A2M: variants seen among roughly 807,000 people sequenced by gnomAD.
The protein encoded by A2M is alpha-2-macroglobulin, also known as C3 and PZP-like alpha-2-macroglobulin domain-containing protein 5.
Under a neutral mutation model 183.9 loss-of-function variants are expected in A2M, and 128 were observed. The observed-to-expected ratio is 0.70, with a 90% CI of 0.60 to 0.81. The LOEUF (loss-of-function observed/expected upper bound fraction) is 0.81. Among genes scored for constraint, A2M ranks in the 30% least tolerant of loss-of-function variants. The pLI, the probability that A2M is intolerant of heterozygous loss-of-function variation, is 0.00. For synonymous variants in A2M, 592 were observed against 670.8 expected, an observed-to-expected ratio of 0.88 and a Z score of 1.81; for missense variants, 1,495 against 1,787.6, an observed-to-expected ratio of 0.84 and a Z score of 2.95.
intron 27 of A2M, 122 bp downstream of exon 27, chr12:9,077,224 C>G: frequency 2.1e-6 from 2 of 975,200 alleles, no homozygotes; most frequent in South Asian, 1.7e-5. Flanking sequence ...CTGGGAAGCA[C>G]TGGCATTGCA....
chr12:9,095,231 C>A, intron 16 of A2M, 147 bp from the exon 17 acceptor site: 1 of 529,236 alleles, frequency 1.9e-6, no homozygotes, highest in East Asian at 3.2e-5. Context: ...TATTTATATA[C>A]TTAAGGATGT....
rs1403791309 is a variant in A2M at position 9,104,410 on chromosome 12, A to T, written c.1105-10T>A. On this transcript the variant is annotated splice_polypyrimidine_tract_variant and intron_variant, in intron 10 of 35. Coordinates refer to ENST00000318602, the MANE Select transcript of A2M (RefSeq NM_000014.6). ...CATCTACTAGGCGCACCTGAAGATTAAAAGCTGTGGATTAGTTATATTGGT... is the reference window on the plus strand; with the variant it reads ...CATCTACTAGGCGCACCTGAAGATTTAAAGCTGTGGATTAGTTATATTGGT... 3.2e-6 allele frequency: 5 copies of T among 1,573,458 alleles called. No homozygotes were observed. Among genetic ancestry groups the T allele is most frequent in the Non-Finnish European group, 4.3e-6 (5 of 1,158,084 alleles).
chr12:9,097,220 T>C (rs1949407912), intron 15 of A2M, among the ~76,000 whole-genome samples: 1 of 152,194 alleles, frequency 6.6e-6, no homozygotes, highest in South Asian at 2.1e-4. Context: ...GATGCTTCCT[T>C]TAGAAGTATT....
At chr12:9,106,729 A>G in intron 8 of A2M, 124 bp from the exon 9 acceptor site, 1 of 453,974 alleles carries the variant, frequency 2.2e-6, no homozygotes, top group South Asian at 4.2e-5. Context: ...TATGACGAGG[A>G]CACAATAAAT....
intron 22 of A2M, among the ~76,000 whole-genome samples, chr12:9,086,854 G>T (rs1192669796): frequency 6.6e-6 from 1 of 152,178 alleles, no homozygotes; most frequent in Admixed American, 6.5e-5. Flanking sequence ...AATTTTCACT[G>T]TTGGTGATGA....
At chr12:9,068,391 TCTC>T (rs1480851065) in intron 34 of A2M, among the ~76,000 whole-genome samples, 167 bp from the exon 35 acceptor site, 2 of 152,166 alleles carry the variant, frequency 1.3e-5, no homozygotes, top group Non-Finnish European at 1.5e-5. Flanking sequence ...TACCTTATAT[TCTC>T]CTTTCAAATA....
chr12:9,106,667 T>C, intron 8 of A2M, 62 bp from the exon 9 acceptor site: 4 of 830,472 alleles, frequency 4.8e-6, no homozygotes, highest in Non-Finnish European at 7.7e-6. Context: ...AGATCAGTGG[T>C]CAGATAACCG....
chr12:9,102,196 G>A (rs142566159), intron 11 of A2M, among the ~76,000 whole-genome samples: 1 of 152,174 alleles, frequency 6.6e-6, no homozygotes, highest in East Asian at 1.9e-4. Context: ...ACCTCTTCTG[G>A]GCTATCTTAG....
chr12:9,072,865 C>T lies in A2M; in HGVS notation c.3763G>A (p.Val1255Met). The T allele has an allele frequency of 6.2e-7, 1 of 1,613,636 alleles. No homozygotes were observed. The highest frequency in any genetic ancestry group is 8.5e-7 in the Non-Finnish European group (1 of 1,179,708). The change falls in exon 30 of 36, where the codon GTG becomes ATG. Residue 1255 changes from valine (V) to methionine (M), a missense_variant. Val to Met is a conservative substitution (Grantham distance 21, BLOSUM62 1). Coordinates refer to ENST00000318602, the MANE Select transcript of A2M (RefSeq NM_000014.6). ...QGGFSSTQDT[V>M]VALHALSKYG... ...TTGGACAGAGCATGGAGAGCCACCA[C>T]TGTGTCCTGTTAGAGACAGATGAGT...
At chr12:9,092,109 T>C (rs1294885012) in intron 18 of A2M, among the ~76,000 whole-genome samples, 2 of 152,134 alleles carry the variant, frequency 1.3e-5, no homozygotes, top group East Asian at 3.9e-4. Flanking sequence ...TAGCCTGCAC[T>C]GGGAAGCAGA....
In A2M at chr12:9,099,975, T is replaced by G. The variant is rs552503802; in HGVS notation, c.1559-452A>C. 4.7e-4 allele frequency among the ~76,000 whole-genome samples: 71 copies of G among 152,372 alleles called. No homozygotes were observed. In the South Asian group the frequency reaches 0.014, roughly 30 times the overall value. ...TATTTTTTGATGCCTATGTAGATTC[T>G]TTAGAGGTTGCATTAAGTTTCCTTC... On this transcript the variant is annotated intron_variant, in intron 13 of 35. Coordinates refer to ENST00000318602, the MANE Select transcript of A2M (RefSeq NM_000014.6).
At position 9,072,669 on chromosome 12, in the gene A2M, C is replaced by G; in HGVS notation, c.3959G>C (p.Gly1320Ala). The G allele has an allele frequency of 6.2e-7, 1 of 1,614,190 alleles. No homozygotes were observed. The highest frequency in any genetic ancestry group is 8.5e-7 in the Non-Finnish European group (1 of 1,180,024). Reference sequence around the variant, plus strand: ...GAGTCTCACCTGGAGGTAGACACATCCTTCTCCTGTCACTTTCATGCTGTA... The same window carrying G: ...GAGTCTCACCTGGAGGTAGACACATGCTTCTCCTGTCACTTTCATGCTGTA... ...GEYSMKVTGE[G>A]CVYLQTSLKY... Residue 1320 changes from glycine (G) to alanine (A), a missense_variant, in exon 30 of 36, where the codon GGA becomes GCA. Gly to Ala is a moderately conservative substitution (Grantham distance 60, BLOSUM62 0). Coordinates refer to ENST00000318602, the MANE Select transcript of A2M (RefSeq NM_000014.6).
At chr12:9,067,944 TC>T (rs1180308313) in intron 35 of A2M, 105 bp from the exon 36 acceptor site, 1 of 1,164,306 alleles carries the variant, frequency 8.6e-7, no homozygotes, top group Non-Finnish European at 1.3e-6. Context: ...GGAAACCTAA[TC>T]AGTACAGTGG....
At chr12:9,074,896 G>A (rs1948694989) in intron 28 of A2M, 113 bp from the exon 29 acceptor site, 1 of 1,092,300 alleles carries the variant, frequency 9.2e-7, no homozygotes, top group African/African-American at 1.6e-5. Context: ...ATAATCCCCT[G>A]TACTGTATGT....
intron 20 of A2M, 129 bp downstream of exon 20, chr12:9,090,227 T>A: frequency 6.8e-7 from 1 of 1,476,022 alleles, no homozygotes; most frequent in Admixed American, 1.8e-5. Context: ...CATCTTAGAA[T>A]AAAAGGCAAA....
At chr12:9,076,684 G>T in intron 28 of A2M, 72 bp downstream of exon 28, 1 of 1,451,056 alleles carries the variant, frequency 6.9e-7, no homozygotes, top group Non-Finnish European at 9.6e-7. Context: ...GGAGGTAGGA[G>T]TGAGGGATTT....
chr12:9,069,954 T>C, intron 32 of A2M, 141 bp from the exon 33 acceptor site: 1 of 673,612 alleles, frequency 1.5e-6, no homozygotes, highest in Non-Finnish European at 2.6e-6. Flanking sequence ...TATAATGTAA[T>C]ACAATTAAAA....
At chr12:9,083,420 C>T (rs1366113201) in intron 22 of A2M, among the ~76,000 whole-genome samples, 1 of 151,342 alleles carries the variant, frequency 6.6e-6, no homozygotes, top group African/African-American at 2.4e-5. Flanking sequence ...TTATCTGCAA[C>T]TTAGCTAATA....
At chr12:9,108,347 T>C (rs1592390342) in intron 7 of A2M, among the ~76,000 whole-genome samples, 4 of 152,176 alleles carry the variant, frequency 2.6e-5, no homozygotes. Context: ...AGGATGGTCT[T>C]GATCTCCTGA....
Sources: allele counts gnomAD v4.1 joint callset (sites outside exome capture counted in the v4.1 genomes callset), GRCh38; gene constraint gnomAD v4.1.1; transcripts MANE v1.5; gene names NCBI Gene and HGNC (gene_info 2026-07-23, HGNC 2026-07-21).